The following RHBDD1 variants were observed in gnomAD, a reference collection of about 807,000 sequenced individuals.
The protein encoded by RHBDD1 is rhomboid domain containing 1.
Under a neutral mutation model 36.3 loss-of-function variants are expected in RHBDD1, and 38 were observed. The ratio of observed to expected loss-of-function variants is 1.05; its 90% CI spans 0.81 to 1.37. The LOEUF (loss-of-function observed/expected upper bound fraction) is 1.37. Ranked by LOEUF, RHBDD1 falls within the 40% of genes most tolerant of loss-of-function variation. The probability of loss-of-function intolerance (pLI) is 0.00; values close to 1 mark genes in which losing one functional copy is unlikely to be tolerated. For missense variants in RHBDD1, 393 were observed against 377.6 expected, an observed-to-expected ratio of 1.04 and a Z score of -0.34; for synonymous variants, 151 against 136.5, an observed-to-expected ratio of 1.11 and a Z score of -0.74.
At chr2:226,980,309 C>T (rs889517479) in intron 8 of RHBDD1, among the ~76,000 whole-genome samples, 2 of 152,146 alleles carry the variant, frequency 1.3e-5, no homozygotes, top group African/African-American at 4.8e-5. Context: ...GCCCTACTCT[C>T]GTTCCCCACC....
chr2:226,998,828 A>G lies in RHBDD1; in HGVS notation c.*3306A>G, dbSNP rs966126225. 1.3e-5 allele frequency: 2 copies of G among 152,190 alleles called. No individual in the cohort carries two copies. Among genetic ancestry groups the G allele is most frequent in the Non-Finnish European group, 2.9e-5 (2 of 68,038 alleles). The allele number at this position is 152,190 out of a possible 1,614,324, so 9.4% of individuals were successfully genotyped here. A position where few individuals can be genotyped will look rare whatever the true frequency, so the allele number is the denominator to read the frequency against. ...TCATTAGCCTCAACAGTGGGCTTCA[A>G]CCAGCCTTTGGACCTCAGCCCCATT... On this transcript the variant is annotated 3_prime_UTR_variant, in exon 9 of 9. Coordinates refer to ENST00000392062, the MANE Select transcript of RHBDD1 (RefSeq NM_001167608.3).
the RHBDD1 span, among the ~76,000 whole-genome samples, chr2:226,801,080 G>A: frequency 1.3e-5 from 2 of 152,316 alleles, no homozygotes; most frequent in East Asian, 3.9e-4. Flanking sequence ...TTGATGCCTG[G>A]CCCGTTTGGG....
chr2:226,964,348 T>C (rs1952455437), intron 8 of RHBDD1, among the ~76,000 whole-genome samples: 1 of 152,226 alleles, frequency 6.6e-6, no homozygotes, highest in African/African-American at 2.4e-5. Context: ...TTACTTAACA[T>C]AGTTAACTAC....
intron 8 of RHBDD1, among the ~76,000 whole-genome samples, chr2:226,970,909 GC>G (rs1953352315): frequency 6.6e-6 from 1 of 152,110 alleles, no homozygotes; most frequent in Admixed American, 6.5e-5. Context: ...ACTTTTGAAA[GC>G]CCTGCCCCAC....
chr2:226,976,708 A>G (rs757417732), intron 8 of RHBDD1, among the ~76,000 whole-genome samples: 3 of 152,126 alleles, frequency 2.0e-5, no homozygotes, highest in Admixed American at 6.5e-5. Context: ...GAGTACCTTA[A>G]CGGGGCCTGG....
At chr2:226,825,614 A>G in the RHBDD1 span, among the ~76,000 whole-genome samples, 1 of 152,230 alleles carries the variant, frequency 6.6e-6, no homozygotes, top group Non-Finnish European at 1.5e-5. Flanking sequence ...TCATTTTGAT[A>G]GTTTAGATAG....
At chr2:226,895,097 C>G (rs1249263738) in intron 5 of RHBDD1, among the ~76,000 whole-genome samples, 3 of 152,190 alleles carry the variant, frequency 2.0e-5, no homozygotes, top group Non-Finnish European at 4.4e-5. Context: ...ACAAATCTTG[C>G]TTGCATTTTA....
rs146355690 is a variant in RHBDD1 at position 226,948,797 on chromosome 2, A to G, written c.856+34446A>G. 6.5e-3 allele frequency among the ~76,000 whole-genome samples: 996 copies of G among 152,220 alleles called. 12 individuals are homozygous for G. The highest frequency in any genetic ancestry group is 0.022 in the African/African-American group (920 of 41,538). On this transcript the variant is annotated intron_variant, in intron 8 of 8. Coordinates refer to ENST00000392062, the MANE Select transcript of RHBDD1 (RefSeq NM_001167608.3). ...AGTATTGTAAGTTCTGGCTAGGGCA[A>G]TCAGGCAAGAGAAAGAAATAAAGGG...
intron 3 of RHBDD1, among the ~76,000 whole-genome samples, chr2:226,851,004 A>G (rs886861549): frequency 5.9e-5 from 9 of 152,246 alleles, no homozygotes; most frequent in African/African-American, 2.2e-4. Flanking sequence ...AGGAAATAAA[A>G]CAACTTAACT....
chr2:226,929,853 A>G (rs1949913135), intron 8 of RHBDD1, among the ~76,000 whole-genome samples: 1 of 152,076 alleles, frequency 6.6e-6, no homozygotes, highest in African/African-American at 2.4e-5. Context: ...ACCAACAGCC[A>G]CTAAGCTGAG....
At chr2:226,897,940 T>C (rs1164196658) in intron 5 of RHBDD1, among the ~76,000 whole-genome samples, 1 of 152,016 alleles carries the variant, frequency 6.6e-6, no homozygotes, top group Non-Finnish European at 1.5e-5. Flanking sequence ...GATTGCGCCA[T>C]TGTACTCCAG....
chr2:226,820,663 A>G, the RHBDD1 span, among the ~76,000 whole-genome samples: 5 of 149,870 alleles, frequency 3.3e-5, no homozygotes, highest in African/African-American at 7.3e-5. Flanking sequence ...AAAAAAAAAA[A>G]AAAAAAGAAA....
rs901525170 is a variant in RHBDD1 at position 226,913,806 on chromosome 2, A to G, written c.713-402A>G. On this transcript the variant is annotated intron_variant, in intron 7 of 8. Coordinates refer to ENST00000392062, the MANE Select transcript of RHBDD1 (RefSeq NM_001167608.3). ...TCTGCCCCTTATTGTACAGAGCAAC[A>G]AGACAATAAGGCTTTATTAGCTATT... is the stretch of plus-strand genomic sequence containing the variant. 2.6e-5 allele frequency among the ~76,000 whole-genome samples: 4 copies of G among 152,184 alleles called. No homozygotes were observed. In the South Asian group the frequency reaches 8.3e-4, roughly 31 times the overall value.
chr2:226,921,904 G>C (rs1949338012), intron 8 of RHBDD1, among the ~76,000 whole-genome samples: 1 of 152,022 alleles, frequency 6.6e-6, no homozygotes, highest in Admixed American at 6.6e-5. Flanking sequence ...CATCTTTCTG[G>C]AACACTTTTC....
chr2:226,943,012 C>G (rs1197059175), intron 8 of RHBDD1, among the ~76,000 whole-genome samples: 4 of 152,152 alleles, frequency 2.6e-5, no homozygotes, highest in African/African-American at 9.7e-5. Flanking sequence ...TTCTCCCATC[C>G]ATTATATTGT....
chr2:226,829,700 C>T, the RHBDD1 span, among the ~76,000 whole-genome samples: 1 of 152,052 alleles, frequency 6.6e-6, no homozygotes, highest in African/African-American at 2.4e-5. Context: ...ATTTTGTATC[C>T]TGAGACTGTG....
intron 8 of RHBDD1, among the ~76,000 whole-genome samples, chr2:226,959,002 G>C (rs570555228): frequency 1.3e-5 from 2 of 152,238 alleles, no homozygotes; most frequent in South Asian, 4.2e-4. Flanking sequence ...GCCCGGAGCT[G>C]CCTTATCTGA....
chr2:226,945,895 C>G (rs2149186598), intron 8 of RHBDD1, among the ~76,000 whole-genome samples: 1 of 152,276 alleles, frequency 6.6e-6, no homozygotes, highest in Admixed American at 6.5e-5. Flanking sequence ...TTGTATTTCT[C>G]TAATGACCGG....
At chr2:226,914,931 G>T (rs764266298) in intron 8 of RHBDD1, among the ~76,000 whole-genome samples, 1 of 152,016 alleles carries the variant, frequency 6.6e-6, no homozygotes, top group Non-Finnish European at 1.5e-5. Flanking sequence ...TATGAGTTTG[G>T]GTATTACTGT....
Sources: allele counts gnomAD v4.1 joint callset (sites outside exome capture counted in the v4.1 genomes callset), GRCh38; gene constraint gnomAD v4.1.1; transcripts MANE v1.5; gene names NCBI Gene and HGNC (gene_info 2026-07-23, HGNC 2026-07-21).